The following PLS3 variants were observed in gnomAD, a reference collection of about 807,000 sequenced individuals.
PLS3 encodes plastin 3.
A neutral mutation model predicts 46.5 loss-of-function variants in PLS3; 11 were observed. The ratio of observed to expected loss-of-function variants is 0.24; its 90% CI spans 0.15 to 0.39. PLS3 has a LOEUF of 0.39. Ranked by LOEUF, PLS3 falls within the 10% of genes least tolerant of loss-of-function variation. The pLI is 1.00. For synonymous variants in PLS3, 167 were observed against 162.2 expected (o/e 1.03, Z -0.22); for missense variants, 308 against 461.8 (o/e 0.67, Z 3.05).
chrX:115,571,805 A>G (rs782303639), intron 1 of PLS3, among the ~76,000 whole-genome samples: 8 of 112,361 alleles, frequency 7.1e-5, no homozygotes, highest in African/African-American at 2.6e-4. Context: ...AAGTAAACCA[A>G]TATGTTTTCA....
At chrX:115,633,177 GT>G (rs34002114) in intron 5 of PLS3, among the ~76,000 whole-genome samples, 18,310 of 102,147 alleles carry the variant, frequency 0.18, 1,539 homozygotes, top group Non-Finnish European at 0.26. Context: ...GTCTTTTTGG[GT>G]TTTTTTTTTT....
chrX:115,614,601 T>A (rs2074579585), intron 2 of PLS3: 1 of 699,046 alleles, frequency 1.4e-6, no homozygotes, highest in South Asian at 7.4e-5. Flanking sequence ...AGCTGCCTTT[T>A]CTAAGGATTT....
At chrX:115,579,225 AGTT>A (rs2074266836) in intron 1 of PLS3, among the ~76,000 whole-genome samples, 1 of 111,791 alleles carries the variant, frequency 8.9e-6, no homozygotes, top group South Asian at 3.8e-4. Flanking sequence ...ATTCAACCTA[AGTT>A]GTTGTGTATG....
chrX:115,629,790 A>G, intron 4 of PLS3, 45 bp from the exon 5 acceptor site: 1 of 844,421 alleles, frequency 1.2e-6, no homozygotes, highest in Non-Finnish European at 1.7e-6. Context: ...AATATTTAAT[A>G]AGTTAGAGTA....
In PLS3 at chrX:115,646,203, C is replaced by T. The variant is rs871773; in HGVS notation, c.1377+17C>T. On this transcript the variant is annotated intron_variant, in intron 12 of 15. Coordinates refer to ENST00000355899, the MANE Select transcript of PLS3 (RefSeq NM_005032.7). ...ATGAAAAAGGTAGATAATTAAGTTGCTGTATATATTTGTTAGAGTATTTTT... is the reference window on the plus strand; with the variant it reads ...ATGAAAAAGGTAGATAATTAAGTTGTTGTATATATTTGTTAGAGTATTTTT... 0.06 allele frequency: 56,669 copies of T among 951,215 alleles called. 4,224 individuals carry two copies. The highest frequency in any genetic ancestry group is 0.43 in the African/African-American group (21,891 of 51,012). The allele number at this position is 951,215 out of a possible 1,213,427, so 78.4% of individuals were successfully genotyped here.
intron 1 of PLS3, among the ~76,000 whole-genome samples, chrX:115,576,713 T>C (rs2074251277): frequency 9.0e-6 from 1 of 111,548 alleles, no homozygotes; most frequent in African/African-American, 3.3e-5. Flanking sequence ...CTTACTCTTA[T>C]GGGCAGGCGG....
intron 1 of PLS3, among the ~76,000 whole-genome samples, chrX:115,590,713 G>A (rs28460061): frequency 9.1e-5 from 10 of 110,372 alleles, no homozygotes; most frequent in African/African-American, 3.3e-4. Context: ...CCAGCTACTC[G>A]GGAGGCTGAG....
At chrX:115,623,531 A>T (rs890967994) in intron 3 of PLS3, among the ~76,000 whole-genome samples, 1 of 111,629 alleles carries the variant, frequency 9.0e-6, no homozygotes, top group African/African-American at 3.3e-5. Flanking sequence ...TAAATTAATA[A>T]ATTAATTAAT....
intron 1 of PLS3, among the ~76,000 whole-genome samples, chrX:115,595,921 T>A (rs1232708742): frequency 1.8e-5 from 2 of 110,750 alleles, no homozygotes; most frequent in African/African-American, 6.6e-5. Context: ...ACTCCTTATA[T>A]TTACTTCTAA....
chrX:115,584,063 C>A (rs1025469566), intron 1 of PLS3, among the ~76,000 whole-genome samples: 6 of 111,749 alleles, frequency 5.4e-5, no homozygotes, highest in African/African-American at 1.9e-4. Flanking sequence ...ATGTGTTTGG[C>A]CAGATTAGCT....
chrX:115,600,442 T>C (rs1278299301), intron 1 of PLS3, among the ~76,000 whole-genome samples: 1 of 111,849 alleles, frequency 8.9e-6, no homozygotes, highest in Admixed American at 9.5e-5. Flanking sequence ...TGGTATATTT[T>C]GTAAACCATG....
chrX:115,646,156 A>G lies in PLS3; in HGVS notation c.1347A>G (p.Pro449=), dbSNP rs781935586. The G allele has an allele frequency of 6.9e-6, 8 of 1,167,478 alleles. No homozygotes were observed. The South Asian group carries it at 1.1e-4, about 16-fold the overall frequency. ...PVDWSKVNKP[P]YPKLGANMKK... ...ACTGGAGTAAGGTTAATAAACCTCCATACCCGAAACTGGGAGCCAACATGA... is the reference window on the plus strand; with the variant it reads ...ACTGGAGTAAGGTTAATAAACCTCCGTACCCGAAACTGGGAGCCAACATGA... Residue 449 remains proline (P), a synonymous_variant, in exon 12 of 16, where the codon CCA becomes CCG. Transcript: ENST00000355899.
At chrX:115,611,830 A>G (rs1041761608) in intron 2 of PLS3, among the ~76,000 whole-genome samples, 4 of 112,026 alleles carry the variant, frequency 3.6e-5, no homozygotes, top group Non-Finnish European at 5.6e-5. Flanking sequence ...GGATTGACCA[A>G]TTATCTTCAT....
At chrX:115,639,180 T>C (rs781902921) in intron 8 of PLS3, among the ~76,000 whole-genome samples, 26 of 112,145 alleles carry the variant, frequency 2.3e-4, no homozygotes, top group Non-Finnish European at 4.3e-4. Context: ...ATAGGTTTAT[T>C]ATAAATTGTT....
At chrX:115,561,689 C>T (rs1267655067) in intron 1 of PLS3, among the ~76,000 whole-genome samples, 1 of 110,998 alleles carries the variant, frequency 9.0e-6, no homozygotes, top group Non-Finnish European at 1.9e-5. Flanking sequence ...TACTGCCATC[C>T]CCTCTTCCCT....
intron 5 of PLS3, among the ~76,000 whole-genome samples, chrX:115,630,875 A>G (rs2074762408): frequency 2.1e-5 from 2 of 95,551 alleles, no homozygotes; most frequent in South Asian, 8.6e-4. Flanking sequence ...ACATGTATAT[A>G]TGTATATATA....
intron 1 of PLS3, among the ~76,000 whole-genome samples, chrX:115,567,824 C>T (rs187695056): frequency 9.5e-6 from 1 of 104,822 alleles, no homozygotes; most frequent in Non-Finnish European, 1.9e-5. Context: ...CATACACACA[C>T]GAGTATATAT....
intron 1 of PLS3, among the ~76,000 whole-genome samples, chrX:115,583,240 C>A (rs1206566428): frequency 1.8e-5 from 2 of 112,181 alleles, no homozygotes; most frequent in African/African-American, 6.5e-5. Flanking sequence ...AAAGTATACA[C>A]ATGCAAAAAT....
At chrX:115,580,881 A>G (rs2074275775) in intron 1 of PLS3, among the ~76,000 whole-genome samples, 1 of 111,787 alleles carries the variant, frequency 8.9e-6, no homozygotes, top group South Asian at 3.7e-4. Context: ...ATGAATATTA[A>G]TTAGCAGTTT....
Sources: gnomAD v4.1 joint callset for allele counts (sites outside exome capture counted in the v4.1 genomes callset) on GRCh38, gnomAD v4.1.1 for gene constraint, MANE v1.5 for transcripts, NCBI Gene and HGNC (gene_info 2026-07-23, HGNC 2026-07-21) for gene names.